PDE4D: variants seen among roughly 807,000 people sequenced by gnomAD.
PDE4D encodes the protein 3',5'-cyclic-AMP phosphodiesterase 4D.
PDE4D carries 24 observed loss-of-function variants against 87.4 expected under a neutral mutation model. That is an observed-to-expected ratio of 0.27 (90% CI 0.20 to 0.39). The LOEUF is 0.39. PDE4D is among the 10% of genes least tolerant of loss of function. PDE4D has a pLI of 1.00. For synonymous variants in PDE4D, 384 were observed against 383.2 expected (o/e 1.00, Z -0.02); for missense variants, 714 against 1,041.0 (o/e 0.69, Z 4.32).
intron 2 of PDE4D, among the ~76,000 whole-genome samples, chr5:60,067,151 C>T (rs1772194858): frequency 6.6e-6 from 1 of 152,058 alleles, no homozygotes; most frequent in Non-Finnish European, 1.5e-5. Context: ...TTCCTCAAGT[C>T]TCCTAAACCT....
intron 2 of PDE4D, among the ~76,000 whole-genome samples, chr5:60,055,126 CT>C: frequency 6.6e-6 from 1 of 152,154 alleles, no homozygotes; most frequent in East Asian, 1.9e-4. Context: ...AGCTAGGAGC[CT>C]TGGCAGCTCC....
rs1057242200 is a variant in PDE4D, at chr5:60,196,600, A to G, written c.-89-10913T>C. ...GTAGTTTGCTGGCCTGAGGCCCAAT[A>G]TGGAATGAGCCTCTGAGATGTGTCA... On this transcript the variant is annotated intron_variant, in intron 1 of 16. Transcript: ENST00000502484. 4.6e-5 allele frequency among the ~76,000 whole-genome samples: 7 copies of G among 151,548 alleles called. 1 individual carries two copies. The highest frequency in any genetic ancestry group is 7.4e-5 in the Non-Finnish European group (5 of 67,756).
At chr5:59,799,351 A>C (rs1440258423) in intron 1 of PDE4D, among the ~76,000 whole-genome samples, 4 of 152,244 alleles carry the variant, frequency 2.6e-5, no homozygotes, top group Non-Finnish European at 5.9e-5. Context: ...AATTGAAGAA[A>C]GTGAAACAAA....
intron 1 of PDE4D, among the ~76,000 whole-genome samples, chr5:59,723,782 A>G (rs1407550611): frequency 6.6e-6 from 1 of 152,192 alleles, no homozygotes; most frequent in African/African-American, 2.4e-5. Flanking sequence ...TATTGAATGC[A>G]TTTGACATGA....
chr5:59,745,292 G>A (rs1304311608), intron 1 of PDE4D, among the ~76,000 whole-genome samples: 2 of 152,138 alleles, frequency 1.3e-5, no homozygotes, highest in Non-Finnish European at 2.9e-5. Flanking sequence ...CTCGGGTGAT[G>A]CTAGTTATAA....
chr5:59,362,256 C>T (rs1475178212), intron 1 of PDE4D, among the ~76,000 whole-genome samples: 2 of 152,154 alleles, frequency 1.3e-5, no homozygotes, highest in Non-Finnish European at 2.9e-5. Context: ...CTGTTAGAAA[C>T]ATCTTTAAGT....
intron 1 of PDE4D, among the ~76,000 whole-genome samples, chr5:59,771,487 G>GAA (rs56311802): frequency 0.012 from 704 of 58,000 alleles, 4 homozygotes; most frequent in South Asian, 0.027. Flanking sequence ...GAAAGAAAGA[G>GAA]AGAGAGAGAG....
chr5:59,447,964 C>T (rs1582650957), intron 1 of PDE4D, among the ~76,000 whole-genome samples: 1 of 152,198 alleles, frequency 6.6e-6, no homozygotes, highest in African/African-American at 2.4e-5. Flanking sequence ...TCAATATCAT[C>T]CAGCCAAGAA....
chr5:59,082,462 G>T (rs562274019), intron 5 of PDE4D, among the ~76,000 whole-genome samples: 7 of 151,990 alleles, frequency 4.6e-5, no homozygotes, highest in East Asian at 1.9e-4. Context: ...CAACTGAAAG[G>T]TATAAAAAAG....
At chr5:60,410,628 T>A (rs1185934468) in intron 1 of PDE4D, among the ~76,000 whole-genome samples, 1 of 152,166 alleles carries the variant, frequency 6.6e-6, no homozygotes, top group Non-Finnish European at 1.5e-5. Context: ...TTGACAAATA[T>A]CATCTCATTT....
intron 5 of PDE4D, among the ~76,000 whole-genome samples, chr5:59,089,836 T>C (rs1768369433): frequency 6.6e-6 from 1 of 152,176 alleles, no homozygotes; most frequent in South Asian, 2.1e-4. Context: ...TGTAAAGTGT[T>C]ATAAATTCAA....
intron 1 of PDE4D, among the ~76,000 whole-genome samples, chr5:59,544,568 G>A (rs1291432599): frequency 6.6e-6 from 1 of 152,166 alleles, no homozygotes; most frequent in African/African-American, 2.4e-5. Flanking sequence ...AAAATAAGAA[G>A]CCCATTACTT....
intron 1 of PDE4D, among the ~76,000 whole-genome samples, chr5:60,442,306 T>C (rs777199719): frequency 7.9e-5 from 12 of 152,154 alleles, no homozygotes; most frequent in Non-Finnish European, 1.2e-4. Flanking sequence ...CGGATGAAGC[T>C]GGACACCATC....
At position 60,406,973 on chromosome 5, in the gene PDE4D, G is replaced by A. The variant is rs562406333; in HGVS notation, c.-90+80969C>T. Among the ~76,000 whole-genome samples, 26 of 152,238 alleles carry A rather than the reference G, an allele frequency of 1.7e-4. No homozygotes were observed. In the South Asian group the frequency reaches 4.8e-3, roughly 28 times the overall value. The stretch of plus-strand genomic sequence containing the variant: ...TAGCCTTCCTTGCTGTAAGCACCAA[G>A]AGCAGTGTGTTCACCGAAATGTGAC... On this transcript the variant is annotated intron_variant, in intron 1 of 16. Transcript: ENST00000502484.
At chr5:59,457,251 A>G (rs1800064570) in intron 1 of PDE4D, among the ~76,000 whole-genome samples, 1 of 152,222 alleles carries the variant, frequency 6.6e-6, no homozygotes, top group African/African-American at 2.4e-5. Context: ...ACCCTGATCA[A>G]TCAGTAGCCA....
chr5:58,976,268 C>CATCTT, intron 13 of PDE4D, 82 bp downstream of exon 13: 1 of 1,407,106 alleles, frequency 7.1e-7, no homozygotes, highest in Non-Finnish European at 9.6e-7. Flanking sequence ...GGAAGAAATA[C>CATCTT]ATCTTATCAA....
chr5:59,590,708 GT>G (rs552568564), intron 1 of PDE4D, among the ~76,000 whole-genome samples: 1 of 151,004 alleles, frequency 6.6e-6, no homozygotes, highest in African/African-American at 2.4e-5. Flanking sequence ...TTTGTTTTGT[GT>G]TTTTTTTTAA....
intron 3 of PDE4D, among the ~76,000 whole-genome samples, chr5:59,957,244 T>C (rs1758933631): frequency 6.6e-6 from 1 of 152,144 alleles, no homozygotes; most frequent in African/African-American, 2.4e-5. Context: ...AAAGTAACTT[T>C]CTTAGTTGTT....
chr5:60,305,719 A>AC lies in PDE4D; in HGVS notation c.-89-120033_-89-120032insG, dbSNP rs1054001304. ...TAAAACTTCTTACTTAAAAAAAAAAAAAACTCTAGCTTCAAATAAAATATA... is the reference window on the plus strand; with the variant it reads ...TAAAACTTCTTACTTAAAAAAAAAAACAAACTCTAGCTTCAAATAAAATATA... On this transcript the variant is annotated intron_variant, in intron 1 of 16. Transcript: ENST00000502484. Among the ~76,000 whole-genome samples, 7 of 151,852 alleles carry AC rather than the reference A, an allele frequency of 4.6e-5. 1 individual carries two copies. Among genetic ancestry groups the AC allele is most frequent in the African/African-American group, 1.4e-4 (6 of 41,494 alleles).
Sources: gnomAD v4.1 joint callset for allele counts (sites outside exome capture counted in the v4.1 genomes callset) on GRCh38, gnomAD v4.1.1 for gene constraint, MANE v1.5 for transcripts, NCBI Gene and HGNC (gene_info 2026-07-23, HGNC 2026-07-21) for gene names.